Variants in PRKD1 observed in about 807,000 individuals in gnomAD.
PRKD1 encodes the protein protein kinase D1.
PRKD1 carries 63 observed loss-of-function variants against 95.9 expected under a neutral mutation model. That is an observed-to-expected ratio of 0.66 (90% CI 0.54 to 0.81). PRKD1 has a LOEUF of 0.81. Among genes scored for constraint, PRKD1 ranks in the 30% least tolerant of loss-of-function variants. The probability of loss-of-function intolerance (pLI) is 0.00; values close to 1 mark genes in which losing one functional copy is unlikely to be tolerated. For synonymous variants in PRKD1, 425 were observed against 423.1 expected, an observed-to-expected ratio of 1.00 and a Z score of -0.05; for missense variants, 1,048 against 1,165.3, an observed-to-expected ratio of 0.90 and a Z score of 1.47.
chr14:29,830,515 CTGTG>C (rs539357282), intron 1 of PRKD1, among the ~76,000 whole-genome samples: 1 of 151,844 alleles, frequency 6.6e-6, no homozygotes, highest in East Asian at 1.9e-4. Context: ...ATTTATCTCT[CTGTG>C]TGTGTGTGTA....
chr14:29,826,458 TG>T (rs1273552721), intron 1 of PRKD1, among the ~76,000 whole-genome samples: 1 of 75,734 alleles, frequency 1.3e-5, no homozygotes, highest in Non-Finnish European at 2.4e-5. Context: ...ATATATATGA[TG>T]GAATATATAT....
chr14:29,878,749 G>A (rs928099939), intron 1 of PRKD1, among the ~76,000 whole-genome samples: 8 of 152,174 alleles, frequency 5.3e-5, no homozygotes, highest in African/African-American at 1.7e-4. Flanking sequence ...GCCAGGGGCT[G>A]AAGGGAGGAC....
chr14:29,695,433 A>C (rs952773258), intron 2 of PRKD1, among the ~76,000 whole-genome samples: 1 of 152,318 alleles, frequency 6.6e-6, no homozygotes, highest in East Asian at 1.9e-4. Flanking sequence ...CCAGGGTAAA[A>C]GCAGTAGAGG....
At chr14:29,874,121 CAG>C (rs1457171439) in intron 1 of PRKD1, among the ~76,000 whole-genome samples, 1 of 152,088 alleles carries the variant, frequency 6.6e-6, no homozygotes, top group South Asian at 2.1e-4. Context: ...CCTGAATAAT[CAG>C]AGTTTTTCAT....
intron 16 of PRKD1, among the ~76,000 whole-genome samples, chr14:29,584,454 T>G (rs1892847721): frequency 6.6e-6 from 1 of 152,178 alleles, no homozygotes; most frequent in South Asian, 2.1e-4. Flanking sequence ...TTTATTTCCT[T>G]TTATTATTTC....
chr14:29,785,848 A>C (rs971639846), intron 1 of PRKD1, among the ~76,000 whole-genome samples: 1 of 151,294 alleles, frequency 6.6e-6, no homozygotes, highest in African/African-American at 2.4e-5. Flanking sequence ...TAAATAAATA[A>C]ATAAATAAAT....
At chr14:29,656,548 A>T (rs1281545020) in intron 4 of PRKD1, 1 of 1,511,966 alleles carries the variant, frequency 6.6e-7, no homozygotes, top group Admixed American at 2.0e-5. Context: ...GTGCAGAATC[A>T]AAGGAGAAAA....
At chr14:29,767,049 T>C (rs888878272) in intron 1 of PRKD1, among the ~76,000 whole-genome samples, 2 of 152,152 alleles carry the variant, frequency 1.3e-5, no homozygotes, top group Non-Finnish European at 2.9e-5. Flanking sequence ...ATTTTGAAAG[T>C]TTCTTGTAGT....
At chr14:29,642,912 ATTT>A (rs5807544) in intron 4 of PRKD1, among the ~76,000 whole-genome samples, 1 of 146,540 alleles carries the variant, frequency 6.8e-6, no homozygotes, top group Non-Finnish European at 1.5e-5. Flanking sequence ...CTGCAGAATG[ATTT>A]TTTTTTTTTT....
At chr14:29,649,820 T>C (rs1449766807) in intron 4 of PRKD1, among the ~76,000 whole-genome samples, 1 of 152,180 alleles carries the variant, frequency 6.6e-6, no homozygotes, top group African/African-American at 2.4e-5. Context: ...TTTGACGATT[T>C]TCCTCCCATT....
intron 1 of PRKD1, among the ~76,000 whole-genome samples, chr14:29,857,164 A>G (rs1892537869): frequency 6.6e-6 from 1 of 152,188 alleles, no homozygotes; most frequent in African/African-American, 2.4e-5. Flanking sequence ...GTGAAATACT[A>G]GCATACTTAG....
chr14:29,774,034 A>T (rs1388744520), intron 1 of PRKD1, among the ~76,000 whole-genome samples: 1 of 152,260 alleles, frequency 6.6e-6, no homozygotes, highest in Non-Finnish European at 1.5e-5. Flanking sequence ...GTTGAGCTAC[A>T]GTATATGGGA....
intron 1 of PRKD1, among the ~76,000 whole-genome samples, chr14:29,863,385 C>T (rs1892775141): frequency 6.6e-6 from 1 of 152,080 alleles, no homozygotes; most frequent in Admixed American, 6.5e-5. Context: ...AAATATTTCA[C>T]CAATATGAGG....
At chr14:29,917,844 G>A (rs1894944394) in intron 1 of PRKD1, among the ~76,000 whole-genome samples, 2 of 151,890 alleles carry the variant, frequency 1.3e-5, no homozygotes, top group Non-Finnish European at 2.9e-5. Context: ...ATCCTTACTT[G>A]GACTGATGAA....
At chr14:29,638,346 G>A (rs1170131257) in intron 6 of PRKD1, 143 bp downstream of exon 6, 3 of 757,762 alleles carry the variant, frequency 4.0e-6, no homozygotes, top group Non-Finnish European at 6.5e-6. Context: ...TTGTAAAGTA[G>A]AACAAACACT....
chr14:29,661,907 A>G (rs1882211741), intron 4 of PRKD1, among the ~76,000 whole-genome samples: 1 of 152,234 alleles, frequency 6.6e-6, no homozygotes, highest in South Asian at 2.1e-4. Context: ...ATGTGTACTT[A>G]TAAAATAGAT....
chr14:29,630,671 G>A, intron 10 of PRKD1, 71 bp downstream of exon 10: 1 of 1,577,112 alleles, frequency 6.3e-7, no homozygotes, highest in Non-Finnish European at 8.7e-7. Context: ...GGAAGGGCAG[G>A]GCACATGTTT....
At chr14:29,585,275 G>A (rs1016407568) in intron 16 of PRKD1, among the ~76,000 whole-genome samples, 1 of 152,104 alleles carries the variant, frequency 6.6e-6, no homozygotes, top group African/African-American at 2.4e-5. Context: ...AGAGGCTGCC[G>A]GCTGCAAACA....
intron 3 of PRKD1, 111 bp from the exon 4 acceptor site, chr14:29,663,970 G>T: frequency 9.0e-7 from 1 of 1,109,604 alleles, no homozygotes; most frequent in Non-Finnish European, 1.3e-6. Flanking sequence ...TTTTCCTTGA[G>T]AGTATTTGGA....
Sources: allele counts gnomAD v4.1 joint callset (sites outside exome capture counted in the v4.1 genomes callset), GRCh38; gene constraint gnomAD v4.1.1; transcripts MANE v1.5; gene names NCBI Gene and HGNC (gene_info 2026-07-23, HGNC 2026-07-21).